The following PTPDC1 variants were observed in gnomAD, a reference collection of about 807,000 sequenced individuals.
PTPDC1 encodes the protein protein tyrosine phosphatase domain containing 1, also known as protein tyrosine phosphatase domain-containing protein 1.
A neutral mutation model predicts 75.3 loss-of-function variants in PTPDC1; 53 were observed. The ratio of observed to expected loss-of-function variants is 0.70; its 90% confidence interval spans 0.56 to 0.88. The LOEUF (loss-of-function observed/expected upper bound fraction) is 0.88, where lower values mean the gene tolerates loss of function less well. Ranked by LOEUF, PTPDC1 falls within the 40% of genes least tolerant of loss-of-function variation. The pLI, the probability that PTPDC1 is intolerant of heterozygous loss-of-function variation, is 0.00. For missense variants in PTPDC1, 925 were observed against 998.6 expected (o/e 0.93, Z 0.99); for synonymous variants, 349 against 366.2 (o/e 0.95, Z 0.54).
intron 1 of PTPDC1, among the ~76,000 whole-genome samples, chr9:94,038,849 A>T (rs564191200): frequency 1.3e-5 from 2 of 152,368 alleles, no homozygotes; most frequent in East Asian, 3.9e-4. Flanking sequence ...ATGCCAATCT[A>T]ACCAGAATCA....
chr9:94,097,055 G>C (rs1205792128), intron 5 of PTPDC1, among the ~76,000 whole-genome samples: 1 of 152,166 alleles, frequency 6.6e-6, no homozygotes, highest in African/African-American at 2.4e-5. Flanking sequence ...TGCCTGTGCT[G>C]GCACAGCTCT....
At chr9:94,031,471 A>T (rs1324485985) in intron 1 of PTPDC1, among the ~76,000 whole-genome samples, 1 of 151,962 alleles carries the variant, frequency 6.6e-6, no homozygotes, top group East Asian at 1.9e-4. Flanking sequence ...AAAAAAGAAG[A>T]AACACTGGAA....
chr9:94,105,139 T>G (rs1827969706), intron 8 of PTPDC1, among the ~76,000 whole-genome samples: 1 of 152,188 alleles, frequency 6.6e-6, no homozygotes, highest in African/African-American at 2.4e-5. Context: ...CTTTTTAATA[T>G]TTGTCCAGTC....
Position 94,108,424 on chromosome 9 carries a change from G to A in PTPDC1, c.*480G>A, listed in dbSNP as rs763530328. The A allele has an allele frequency of 2.0e-5, 3 of 152,750 alleles. No homozygotes were observed. The highest frequency in any genetic ancestry group is 3.9e-4 in the East Asian group (2 of 5,188). The allele number at this position is 152,750 out of a possible 1,614,324, so 9.5% of individuals were successfully genotyped here. ...TCTTAAGCTGTTTTATATTTGTTAC[G>A]AAGAAGGCTATTGCTACAATATTTT... On this transcript the variant is annotated 3_prime_UTR_variant, in exon 9 of 9. Coordinates refer to ENST00000620992, the MANE Select transcript of PTPDC1 (RefSeq NM_001253829.2).
At chr9:94,035,356 C>T (rs145686072) in intron 1 of PTPDC1, among the ~76,000 whole-genome samples, 265 of 152,320 alleles carry the variant, frequency 1.7e-3, no homozygotes, top group African/African-American at 6.0e-3. Context: ...CTGGTAACCA[C>T]CATTCTGTTC....
At chr9:94,078,481 T>G (rs1826768757) in intron 2 of PTPDC1, among the ~76,000 whole-genome samples, 1 of 152,108 alleles carries the variant, frequency 6.6e-6, no homozygotes, top group South Asian at 2.1e-4. Flanking sequence ...CTACTTAGAG[T>G]TTTTTGAACT....
intron 1 of PTPDC1, among the ~76,000 whole-genome samples, chr9:94,034,635 G>A (rs1443599841): frequency 1.3e-5 from 2 of 152,100 alleles, no homozygotes; most frequent in Admixed American, 1.3e-4. Flanking sequence ...GTTTATCCAA[G>A]GGATGTAATT....
chr9:94,098,666 A>C, intron 6 of PTPDC1, 87 bp downstream of exon 6: 1 of 1,141,358 alleles, frequency 8.8e-7, no homozygotes, highest in Non-Finnish European at 1.3e-6. Flanking sequence ...AAACTTATTT[A>C]TTATAGAAAT....
At chr9:94,039,633 A>T (rs1278647423) in intron 1 of PTPDC1, among the ~76,000 whole-genome samples, 1 of 152,096 alleles carries the variant, frequency 6.6e-6, no homozygotes, top group Non-Finnish European at 1.5e-5. Context: ...AAAATTTTTT[A>T]AATGAGGCAG....
At chr9:94,066,941 TCCCCATATTTGTATCATC>T (rs1163058977) in intron 2 of PTPDC1, among the ~76,000 whole-genome samples, 1 of 152,082 alleles carries the variant, frequency 6.6e-6, no homozygotes, top group Non-Finnish European at 1.5e-5. Context: ...AAAATAAAGA[TCCCCATATTTGTATCATC>T]CCCCATATAT....
In PTPDC1 at chr9:94,045,114, A is replaced by G. The variant is rs144187967; in HGVS notation, c.-7+13987A>G. Among the ~76,000 whole-genome samples the G allele has an allele frequency of 7.8e-3, 1,163 of 149,516 alleles. 18 individuals carry two copies. Among genetic ancestry groups the G allele is most frequent in the African/African-American group, 0.027 (1,101 of 40,606 alleles). Reference sequence around the variant, plus strand: ...CGGTGTTTGGTTTTTTGTCCCTGCAATGGTTTGCTGAGAATGATGGTTTCC... The same window carrying G: ...CGGTGTTTGGTTTTTTGTCCCTGCAGTGGTTTGCTGAGAATGATGGTTTCC... On this transcript the variant is annotated intron_variant, in intron 1 of 9. Transcript: ENST00000375360.
At chr9:94,063,120 C>T (rs2117861830) in intron 1 of PTPDC1, among the ~76,000 whole-genome samples, 1 of 152,282 alleles carries the variant, frequency 6.6e-6, no homozygotes, top group Admixed American at 6.5e-5. Context: ...AGTTTGTCAC[C>T]AGCATGCTCT....
intron 1 of PTPDC1, among the ~76,000 whole-genome samples, chr9:94,056,363 C>G (rs1431465036): frequency 6.6e-6 from 1 of 152,056 alleles, no homozygotes; most frequent in Non-Finnish European, 1.5e-5. Context: ...TCAAATTCTT[C>G]TGCTACGATT....
chr9:94,091,286 T>C (rs868567707), intron 4 of PTPDC1, among the ~76,000 whole-genome samples: 4,420 of 152,190 alleles, frequency 0.029, 201 homozygotes, highest in African/African-American at 0.1. Context: ...GAGTTTTTAG[T>C]ATGAAGGGTT....
intron 1 of PTPDC1, among the ~76,000 whole-genome samples, chr9:94,055,778 A>C (rs1405364466): frequency 6.6e-6 from 1 of 152,208 alleles, no homozygotes; most frequent in African/African-American, 2.4e-5. Context: ...AGTGGTTCCC[A>C]GGGTTTCAAG....
intron 1 of PTPDC1, among the ~76,000 whole-genome samples, chr9:94,036,035 G>C (rs7868638): frequency 8.4e-6 from 1 of 118,666 alleles, no homozygotes; most frequent in African/African-American, 3.1e-5. Context: ...TTTTTTTTTT[G>C]TTTTTTTTTT....
chr9:94,073,338 C>A (rs2117913495), intron 2 of PTPDC1, among the ~76,000 whole-genome samples: 1 of 152,190 alleles, frequency 6.6e-6, no homozygotes, highest in East Asian at 1.9e-4. Context: ...CCTTGTTATC[C>A]TTTAAATGGA....
At chr9:94,048,750 T>TGG (rs1825693749) in intron 1 of PTPDC1, among the ~76,000 whole-genome samples, 1 of 152,224 alleles carries the variant, frequency 6.6e-6, no homozygotes, top group Admixed American at 6.5e-5. Context: ...GTTCAATTCC[T>TGG]GGATATCCTT....
intron 8 of PTPDC1, among the ~76,000 whole-genome samples, chr9:94,105,655 A>C (rs1386942420): frequency 2.5e-5 from 3 of 120,792 alleles, no homozygotes; most frequent in Non-Finnish European, 4.9e-5. Context: ...CAACAGAGCG[A>C]GACTCTGTCT....
Sources: allele counts gnomAD v4.1 joint callset (sites outside exome capture counted in the v4.1 genomes callset), GRCh38; gene constraint gnomAD v4.1.1; transcripts MANE v1.5; gene names NCBI Gene and HGNC (gene_info 2026-07-23, HGNC 2026-07-21).